ADK: variants seen among roughly 807,000 people sequenced by gnomAD.
ADK encodes N6,N6-dimethyladenosine kinase.
In ADK, 24 loss-of-function variants were observed where a neutral mutation model predicts 44.7. That is an observed-to-expected ratio of 0.54 (90% CI 0.39 to 0.76). The LOEUF (loss-of-function observed/expected upper bound fraction) is 0.76, where lower values mean the gene tolerates loss of function less well. Among genes scored for constraint, ADK ranks in the 30% least tolerant of loss-of-function variants. The pLI is 0.00. For missense variants in ADK, 321 were observed against 425.1 expected (o/e 0.76, Z 2.15); for synonymous variants, 128 against 142.6 (o/e 0.90, Z 0.73).
In ADK at chr10:74,291,272, C is replaced by T. The variant is rs1165171657; in HGVS notation, c.195-23395C>T. Reference sequence around the variant, plus strand: ...TCTAATAAAAAATACAAAAAATTAGCCGGGTGTGGTGGCAGGCACCTGTAG... The same window carrying T: ...TCTAATAAAAAATACAAAAAATTAGTCGGGTGTGGTGGCAGGCACCTGTAG... On this transcript the variant is annotated intron_variant, in intron 3 of 10. Transcript: ENST00000539909. 2.6e-5 allele frequency among the ~76,000 whole-genome samples: 4 copies of T among 151,950 alleles called. No individual in the cohort carries two copies. In the East Asian group the frequency reaches 7.7e-4, roughly 29 times the overall value.
At chr10:74,668,296 A>ATT (rs1331277627) in intron 9 of ADK, among the ~76,000 whole-genome samples, 1 of 148,296 alleles carries the variant, frequency 6.7e-6, no homozygotes, top group Non-Finnish European at 1.5e-5. Flanking sequence ...GTCTGCTTAC[A>ATT]TTTTTTTTTT....
At chr10:74,343,405 T>C (rs1434301174) in intron 4 of ADK, among the ~76,000 whole-genome samples, 1 of 152,130 alleles carries the variant, frequency 6.6e-6, no homozygotes, top group Admixed American at 6.6e-5. Context: ...AGAGAAAATG[T>C]ATGTACTATT....
At chr10:74,549,088 AT>A (rs1849938134) in intron 7 of ADK, among the ~76,000 whole-genome samples, 1 of 152,242 alleles carries the variant, frequency 6.6e-6, no homozygotes, top group Non-Finnish European at 1.5e-5. Flanking sequence ...TAATTCAATT[AT>A]TCATTTAATA....
chr10:74,396,313 C>T (rs1843506960), intron 5 of ADK, among the ~76,000 whole-genome samples: 1 of 152,036 alleles, frequency 6.6e-6, no homozygotes, highest in South Asian at 2.1e-4. Flanking sequence ...GTAGGCTGAT[C>T]ACTCGAGCTC....
At chr10:74,169,381 G>A (rs1842107625) in intron 1 of ADK, among the ~76,000 whole-genome samples, 1 of 152,104 alleles carries the variant, frequency 6.6e-6, no homozygotes, top group Non-Finnish European at 1.5e-5. Flanking sequence ...AATATGTTCT[G>A]TGCAGCATAA....
intron 7 of ADK, among the ~76,000 whole-genome samples, chr10:74,562,906 C>G (rs1316184680): frequency 6.6e-6 from 1 of 150,778 alleles, no homozygotes; most frequent in African/African-American, 2.5e-5. Flanking sequence ...TCAACAAATA[C>G]CATTTTTTTT....
At chr10:74,377,332 G>A (rs1056869668) in intron 4 of ADK, among the ~76,000 whole-genome samples, 1 of 152,176 alleles carries the variant, frequency 6.6e-6, no homozygotes, top group Non-Finnish European at 1.5e-5. Context: ...TTTCAAAGAC[G>A]ATGGGTGAGA....
intron 6 of ADK, among the ~76,000 whole-genome samples, chr10:74,499,341 A>G (rs991586552): frequency 2.0e-5 from 3 of 152,216 alleles, no homozygotes; most frequent in Non-Finnish European, 2.9e-5. Flanking sequence ...AATGTTTAAC[A>G]TATTAAAGAC....
At chr10:74,554,413 T>C (rs1198833822) in intron 7 of ADK, among the ~76,000 whole-genome samples, 1 of 152,154 alleles carries the variant, frequency 6.6e-6, no homozygotes, top group African/African-American at 2.4e-5. Context: ...ATGTATATCA[T>C]GAATAGTTAT....
intron 3 of ADK, among the ~76,000 whole-genome samples, chr10:74,239,960 C>T (rs563410680): frequency 6.6e-6 from 1 of 151,548 alleles, no homozygotes; most frequent in East Asian, 1.9e-4. Context: ...CCTGCCTTAA[C>T]TTTCATAAAT....
At chr10:74,661,081 A>G (rs1854707003) in intron 9 of ADK, among the ~76,000 whole-genome samples, 1 of 152,202 alleles carries the variant, frequency 6.6e-6, no homozygotes, top group Admixed American at 6.5e-5. Context: ...ACCAGATTGT[A>G]AATGGCAAAT....
intron 6 of ADK, among the ~76,000 whole-genome samples, chr10:74,432,579 GTTCT>G (rs1432164337): frequency 6.6e-6 from 1 of 152,074 alleles, no homozygotes; most frequent in Admixed American, 6.6e-5. Flanking sequence ...TATTGATGTA[GTTCT>G]TTCTTTCTTC....
At chr10:74,325,535 GA>G (rs1208640071) in intron 4 of ADK, among the ~76,000 whole-genome samples, 2 of 152,130 alleles carry the variant, frequency 1.3e-5, no homozygotes, top group Non-Finnish European at 2.9e-5. Context: ...TAGAAATGGT[GA>G]AAGTATACAT....
intron 2 of ADK, among the ~76,000 whole-genome samples, chr10:74,222,124 CT>C (rs1844335657): frequency 6.6e-6 from 1 of 151,700 alleles, no homozygotes; most frequent in South Asian, 2.1e-4. Flanking sequence ...TGACAAAGGG[CT>C]AATATCCAGA....
At chr10:74,566,898 A>T (rs1850689528) in intron 7 of ADK, among the ~76,000 whole-genome samples, 1 of 152,216 alleles carries the variant, frequency 6.6e-6, no homozygotes, top group Admixed American at 6.5e-5. Flanking sequence ...ACTGACTTAG[A>T]CCAATTATTT....
At chr10:74,616,324 G>GT (rs1223150181) in intron 9 of ADK, among the ~76,000 whole-genome samples, 1 of 151,766 alleles carries the variant, frequency 6.6e-6, no homozygotes, top group Non-Finnish European at 1.5e-5. Flanking sequence ...CTCTTCTGTT[G>GT]TTTTTTTCTA....
intron 1 of ADK, among the ~76,000 whole-genome samples, chr10:74,160,640 C>A (rs1180626424): frequency 2.0e-5 from 3 of 151,682 alleles, no homozygotes; most frequent in Non-Finnish European, 4.4e-5. Context: ...GTCTGCCCGT[C>A]TGTTGTGTGC....
chr10:74,449,065 C>T (rs138292155), intron 6 of ADK, among the ~76,000 whole-genome samples: 1 of 152,210 alleles, frequency 6.6e-6, no homozygotes, highest in Non-Finnish European at 1.5e-5. Context: ...AGGAATTGGC[C>T]TATGTCATTG....
intron 3 of ADK, among the ~76,000 whole-genome samples, chr10:74,285,974 A>G (rs1026340119): frequency 6.6e-6 from 1 of 152,174 alleles, no homozygotes; most frequent in Non-Finnish European, 1.5e-5. Context: ...TTAAGATCAT[A>G]TCCTTAAGGT....
Sources: gnomAD v4.1 joint callset for allele counts (sites outside exome capture counted in the v4.1 genomes callset) on GRCh38, gnomAD v4.1.1 for gene constraint, MANE v1.5 for transcripts, NCBI Gene and HGNC (gene_info 2026-07-23, HGNC 2026-07-21) for gene names.